DNAH3: variants seen among roughly 807,000 people sequenced by gnomAD.
DNAH3 encodes the protein dynein axonemal heavy chain 3.
Under a neutral mutation model 432.5 loss-of-function variants are expected in DNAH3, and 332 were observed. The observed-to-expected ratio is 0.77, with a 90% CI of 0.70 to 0.84. DNAH3 has a LOEUF of 0.84. Among genes scored for constraint, DNAH3 ranks in the 40% least tolerant of loss-of-function variants. The pLI is 0.00. For missense variants in DNAH3, 4,861 were observed against 5,114.0 expected (o/e 0.95, Z 1.51); for synonymous variants, 1,956 against 1,900.2 (o/e 1.03, Z -0.76).
chr16:20,969,086 CTGTGTGTGTGTGTGTGTG>C (rs56928155), intron 52 of DNAH3, among the ~76,000 whole-genome samples: 45 of 146,464 alleles, frequency 3.1e-4, no homozygotes, highest in South Asian at 8.8e-4. Flanking sequence ...TTTTCTTTCT[CTGTGTGTGTGTGTGTGTG>C]TGTGTGTGTG....
intron 27 of DNAH3, among the ~76,000 whole-genome samples, chr16:21,057,797 G>C (rs1240722426): frequency 6.6e-6 from 1 of 152,242 alleles, no homozygotes; most frequent in African/African-American, 2.4e-5. Flanking sequence ...TCCCCTGGTG[G>C]AAATTCTGCC....
chr16:20,994,140 T>A (rs528147905), intron 44 of DNAH3, among the ~76,000 whole-genome samples: 1 of 152,194 alleles, frequency 6.6e-6, no homozygotes, highest in African/African-American at 2.4e-5. Context: ...ATTTCTTTTT[T>A]AAAAAATGGC....
chr16:20,982,792 G>T, exon 49 of DNAH3: 1 of 1,614,186 alleles, frequency 6.2e-7, no homozygotes, highest in Non-Finnish European at 8.5e-7. Flanking sequence ...GGGCATCTGT[G>T]GGCCAGGACT....
intron 1 of DNAH3, among the ~76,000 whole-genome samples, chr16:21,153,893 C>T (rs950885312): frequency 4.6e-4 from 70 of 152,188 alleles, no homozygotes; most frequent in African/African-American, 1.7e-3. Context: ...TTGGGCTTTC[C>T]ATCCTTTCAA....
intron 44 of DNAH3, among the ~76,000 whole-genome samples, chr16:20,988,726 TCTCA>T (rs1314980164): frequency 1.3e-5 from 2 of 152,260 alleles, no homozygotes; most frequent in African/African-American, 4.8e-5. Context: ...GGGTTCTTAG[TCTCA>T]CTGACTTCAA....
chr16:20,939,056 C>T (rs1470343767), intron 59 of DNAH3, among the ~76,000 whole-genome samples: 3 of 152,146 alleles, frequency 2.0e-5, no homozygotes, highest in Admixed American at 6.5e-5. Context: ...GAGTGAGCCA[C>T]GGCACCTGGC....
At chr16:20,943,921 T>G (rs1445566441) in intron 58 of DNAH3, among the ~76,000 whole-genome samples, 2 of 151,298 alleles carry the variant, frequency 1.3e-5, no homozygotes, top group Non-Finnish European at 2.9e-5. Context: ...GAGGCGGAGG[T>G]TGCAGTGAGA....
At chr16:20,960,423 C>G (rs533111438) in intron 53 of DNAH3, among the ~76,000 whole-genome samples, 1 of 152,254 alleles carries the variant, frequency 6.6e-6, no homozygotes, top group East Asian at 1.9e-4. Flanking sequence ...TGGTGGCTCA[C>G]GCCTGCAATC....
intron 19 of DNAH3, 144 bp downstream of exon 19, chr16:21,086,705 C>T: frequency 1.4e-6 from 1 of 735,610 alleles, no homozygotes; most frequent in Middle Eastern, 4.0e-4. Flanking sequence ...TCTTGCCACT[C>T]TCATTTGCTA....
rs370325603 is a variant in DNAH3, at chr16:20,987,276, A to C, written c.7026+29T>G. The C allele has an allele frequency of 7.4e-6, 12 of 1,610,998 alleles. 1 individual carries two copies. Among genetic ancestry groups the C allele is most frequent in the South Asian group, 6.6e-5 (6 of 90,288 alleles). ...GGTTAAACACTTGGAACCATTTCTG[A>C]GGTCAAATGATCACAGAATCTGGTT... On this transcript the variant is annotated intron_variant, in intron 47 of 61. Coordinates refer to ENST00000261383, the Ensembl canonical transcript of DNAH3.
intron 14 of DNAH3, among the ~76,000 whole-genome samples, chr16:21,108,776 C>T (rs1014319810): frequency 2.6e-5 from 4 of 151,258 alleles, no homozygotes; most frequent in African/African-American, 9.7e-5. Context: ...AGTGTGAAGG[C>T]TGAAAACCTT....
At chr16:21,027,338 G>T (rs2088621795) in intron 37 of DNAH3, among the ~76,000 whole-genome samples, 1 of 152,110 alleles carries the variant, frequency 6.6e-6, no homozygotes, top group African/African-American at 2.4e-5. Flanking sequence ...CATTCTTCTG[G>T]GAGATGACAG....
intron 1 of DNAH3, among the ~76,000 whole-genome samples, chr16:21,152,464 G>A (rs559002993): frequency 6.6e-6 from 1 of 152,360 alleles, no homozygotes; most frequent in East Asian, 1.9e-4. Context: ...CTCGCTCTCG[G>A]CGCCTCCTCT....
At chr16:21,022,895 A>C (rs953426721) in intron 39 of DNAH3, among the ~76,000 whole-genome samples, 1 of 151,882 alleles carries the variant, frequency 6.6e-6, no homozygotes, top group Admixed American at 6.6e-5. Flanking sequence ...TTACAGGCAC[A>C]TGCCATCATG....
chr16:21,099,075 C>T (rs2091769012), intron 16 of DNAH3, among the ~76,000 whole-genome samples: 2 of 152,156 alleles, frequency 1.3e-5, no homozygotes, highest in East Asian at 1.9e-4. Flanking sequence ...TACACGTATA[C>T]ATACTGTTTA....
At chr16:21,009,056 T>C (rs994066355) in intron 41 of DNAH3, among the ~76,000 whole-genome samples, 3 of 152,236 alleles carry the variant, frequency 2.0e-5, no homozygotes, top group Non-Finnish European at 2.9e-5. Context: ...GAGAATGTTC[T>C]CTAAGTCAGA....
intron 16 of DNAH3, among the ~76,000 whole-genome samples, chr16:21,102,741 T>C (rs564210271): frequency 2.2e-4 from 34 of 152,124 alleles, no homozygotes; most frequent in South Asian, 1.0e-3. Flanking sequence ...AATAAAGAAA[T>C]TGCTGGGGGA....
At chr16:21,097,922 G>A (rs1454870345) in intron 17 of DNAH3, among the ~76,000 whole-genome samples, 1 of 152,166 alleles carries the variant, frequency 6.6e-6, no homozygotes, top group Non-Finnish European at 1.5e-5. Context: ...CCAAGACTTA[G>A]TTCTCTTACT....
In DNAH3 at chr16:21,131,504, A is replaced by AGAGAAGGAAGGAAG. The variant is rs1567846329; in HGVS notation, c.1082+2754_1082+2755insCTTCCTTCCTTCTC. 2.9e-5 allele frequency among the ~76,000 whole-genome samples: 4 copies of AGAGAAGGAAGGAAG among 139,180 alleles called. No individual in the cohort carries two copies. In the East Asian group the frequency reaches 8.5e-4, roughly 29 times the overall value. 91.3% of individuals were successfully genotyped at this position (139,180 alleles called of 152,430 possible). On this transcript the variant is annotated intron_variant, in intron 7 of 61. Transcript: ENST00000261383. ...GAAAGAAAAGAAAGAGAGATGAGAG[A>AGAGAAGGAAGGAAG]GAAGGAAGGAAGGAAGGAAGGAAGG...
Sources: gnomAD v4.1 joint callset for allele counts (sites outside exome capture counted in the v4.1 genomes callset) on GRCh38, gnomAD v4.1.1 for gene constraint, MANE v1.5 for transcripts, NCBI Gene and HGNC (gene_info 2026-07-23, HGNC 2026-07-21) for gene names.